The following PCDH15 variants were observed in gnomAD, a reference collection of about 807,000 sequenced individuals.
PCDH15 encodes the protein protocadherin-15.
Under a neutral mutation model 178.5 loss-of-function variants are expected in PCDH15, and 129 were observed. The observed-to-expected ratio is 0.72, with a 90% CI of 0.63 to 0.84. PCDH15 has a LOEUF of 0.84. PCDH15 is among the 40% of genes least tolerant of loss of function. The pLI is 0.00. For missense variants in PCDH15, 2,230 were observed against 2,099.9 expected, an observed-to-expected ratio of 1.06 and a Z score of -1.21; for synonymous variants, 800 against 732.0, an observed-to-expected ratio of 1.09 and a Z score of -1.50.
chr10:54,779,937 T>C (rs1950199858), intron 1 of PCDH15, among the ~76,000 whole-genome samples: 1 of 152,132 alleles, frequency 6.6e-6, no homozygotes, highest in Non-Finnish European at 1.5e-5. Flanking sequence ...TTGGTTTATG[T>C]TCATGCAACT....
intron 21 of PCDH15, among the ~76,000 whole-genome samples, chr10:53,987,436 A>G (rs2091183765): frequency 6.6e-6 from 1 of 152,204 alleles, no homozygotes; most frequent in Non-Finnish European, 1.5e-5. Context: ...ATATAAAAGG[A>G]GTGTTGCACG....
At chr10:54,191,458 T>A (rs1364687121) in intron 11 of PCDH15, among the ~76,000 whole-genome samples, 1 of 152,116 alleles carries the variant, frequency 6.6e-6, no homozygotes, top group African/African-American at 2.4e-5. Flanking sequence ...TTAGACAAGA[T>A]GTAGCTTGGC....
At chr10:53,858,486 G>A (rs10825129) in intron 27 of PCDH15, among the ~76,000 whole-genome samples, 64,781 of 151,972 alleles carry the variant, frequency 0.43, 18,492 homozygotes, top group East Asian at 0.99. Flanking sequence ...GAATATTGCA[G>A]TGTGGGAAAC....
intron 3 of PCDH15, among the ~76,000 whole-genome samples, chr10:54,433,516 A>G (rs1165481097): frequency 6.6e-6 from 1 of 152,134 alleles, no homozygotes; most frequent in Non-Finnish European, 1.5e-5. Flanking sequence ...ACTTAAAACA[A>G]CTGAACTCAC....
intron 2 of PCDH15, chr10:54,655,455 G>GTT (rs1382545402): frequency 6.6e-6 from 1 of 152,200 alleles, no homozygotes; most frequent in Non-Finnish European, 1.5e-5. Flanking sequence ...GTGTGTGTGT[G>GTT]TGTGTGTGTG....
intron 2 of PCDH15, among the ~76,000 whole-genome samples, chr10:54,577,852 GAATAAATA>G (rs1228767675): frequency 0.17 from 1,983 of 11,472 alleles, 38 homozygotes; most frequent in South Asian, 0.2. Flanking sequence ...CTAAATAAAT[GAATAAATA>G]AATAAATAAA....
At chr10:55,091,473 ATC>A (rs72016815) in intron 2 of PCDH15, among the ~76,000 whole-genome samples, 35,823 of 151,660 alleles carry the variant, frequency 0.24, 4,840 homozygotes, top group African/African-American at 0.36. Flanking sequence ...AAGTGAATTA[ATC>A]CTTGTGGGTA....
chr10:54,289,113 G>A (rs772533397), intron 8 of PCDH15, among the ~76,000 whole-genome samples: 6 of 152,128 alleles, frequency 3.9e-5, no homozygotes, highest in South Asian at 2.1e-4. Flanking sequence ...CTCCCAGTAC[G>A]GGCTGACAGA....
At chr10:53,865,566 C>T (rs917601915) in intron 27 of PCDH15, among the ~76,000 whole-genome samples, 2 of 152,052 alleles carry the variant, frequency 1.3e-5, no homozygotes, top group Admixed American at 6.6e-5. Flanking sequence ...AAGTGTTTAC[C>T]GATCTTAATT....
chr10:54,275,000 C>T (rs1386850710), intron 8 of PCDH15, among the ~76,000 whole-genome samples: 1 of 151,454 alleles, frequency 6.6e-6, no homozygotes, highest in East Asian at 1.9e-4. Flanking sequence ...GGGATCCAAG[C>T]CATAAAAGAA....
intron 23 of PCDH15, among the ~76,000 whole-genome samples, chr10:53,948,974 G>A (rs2610914): frequency 0.014 from 2,162 of 152,266 alleles, 48 homozygotes; most frequent in African/African-American, 0.049. Flanking sequence ...ACAATACAAT[G>A]AAATAATGGG....
At chr10:54,764,607 A>AT (rs1188709688) in intron 1 of PCDH15, among the ~76,000 whole-genome samples, 1 of 152,174 alleles carries the variant, frequency 6.6e-6, no homozygotes, top group South Asian at 2.1e-4. Flanking sequence ...TGAGAAGGTC[A>AT]TGTAGCATAG....
At chr10:54,556,905 A>G (rs1178285920) in intron 2 of PCDH15, among the ~76,000 whole-genome samples, 10 of 151,974 alleles carry the variant, frequency 6.6e-5, no homozygotes, top group Admixed American at 3.9e-4. Flanking sequence ...TGGGAGGAGT[A>G]GGAGGCTGTG....
At chr10:54,099,497 T>TAAAAAAAAAAA (rs2094765431) in intron 15 of PCDH15, among the ~76,000 whole-genome samples, 1 of 3,238 alleles carries the variant, frequency 3.1e-4, no homozygotes, top group Non-Finnish European at 5.6e-4. Context: ...AGACTCCATC[T>TAAAAAAAAAAA]CAAAAAAAAA....
chr10:55,114,613 G>A (rs1420213411), intron 2 of PCDH15, among the ~76,000 whole-genome samples: 1 of 152,184 alleles, frequency 6.6e-6, no homozygotes, highest in Non-Finnish European at 1.5e-5. Flanking sequence ...TAACGTGGAA[G>A]CAACTTTCAG....
rs367973371 is a variant in PCDH15, at chr10:54,673,987, CT to C, written c.-28-9698del. The stretch of plus-strand genomic sequence containing the variant: ...AAACTAGGTTTATCCTCCATTGCCC[CT>C]CTTCTTATCAGAGGGGTCATATTTC... On this transcript the variant is annotated intron_variant, in intron 1 of 37. Transcript: ENST00000644397. Among the ~76,000 whole-genome samples, 411 of 152,222 alleles carry C rather than the reference CT, an allele frequency of 2.7e-3. 3 individuals are homozygous for C. The highest frequency in any genetic ancestry group is 9.4e-3 in the African/African-American group (392 of 41,548).
chr10:54,549,817 G>A (rs146922514), intron 2 of PCDH15, among the ~76,000 whole-genome samples: 13 of 152,060 alleles, frequency 8.5e-5, no homozygotes, highest in Middle Eastern at 3.4e-3. Context: ...ATTTTTGTAC[G>A]TCTGCGATTT....
chr10:55,315,651 A>C (rs1843706026), intron 1 of PCDH15, among the ~76,000 whole-genome samples: 1 of 152,168 alleles, frequency 6.6e-6, no homozygotes, highest in Non-Finnish European at 1.5e-5. Flanking sequence ...TGATTTATGC[A>C]GGGGAAAAAT....
At chr10:55,127,396 G>C (rs1837928794) in intron 2 of PCDH15, among the ~76,000 whole-genome samples, 1 of 152,000 alleles carries the variant, frequency 6.6e-6, no homozygotes, top group African/African-American at 2.4e-5. Flanking sequence ...CCTTATTGTA[G>C]TCATTCAAAA....
Sources: allele counts gnomAD v4.1 joint callset (sites outside exome capture counted in the v4.1 genomes callset), GRCh38; gene constraint gnomAD v4.1.1; transcripts MANE v1.5; gene names NCBI Gene and HGNC (gene_info 2026-07-23, HGNC 2026-07-21).